The following HSF4 variants were observed in gnomAD, a reference collection of about 807,000 sequenced individuals.
HSF4 encodes the protein heat shock transcription factor 4, also known as heat shock factor protein 4.
A neutral mutation model predicts 52.0 loss-of-function variants in HSF4; 41 were observed. The ratio of observed to expected loss-of-function variants is 0.79; its 90% confidence interval spans 0.61 to 1.02. HSF4 has a LOEUF of 1.02. Among genes scored for constraint, HSF4 ranks in the 50% least tolerant of loss-of-function variants. HSF4 has a pLI of 0.00. For synonymous variants in HSF4, 285 were observed against 273.0 expected (o/e 1.04, Z -0.43); for missense variants, 610 against 651.1 (o/e 0.94, Z 0.69).
chr16:67,166,684 A>G, intron 6 of HSF4, 62 bp downstream of exon 6: 1 of 1,464,874 alleles, frequency 6.8e-7, no homozygotes, highest in South Asian at 1.1e-5. Context: ...GTCCCCTTGC[A>G]AGGACCCCTT....
At position 67,166,300 on chromosome 16, in the gene HSF4, C is replaced by A; in HGVS notation, c.486-20C>A. 2 of 1,606,740 alleles carry A rather than the reference C, an allele frequency of 1.2e-6. No homozygotes were observed. The highest frequency in any genetic ancestry group is 1.7e-6 in the Non-Finnish European group (2 of 1,176,004). ...GGGCGAACTCTCAGATGCCTCAGCA[C>A]CCTCCCACCCCTTCCTCAGGCAGAA... On this transcript the variant is annotated intron_variant, in intron 4 of 12. Coordinates refer to ENST00000521374, the MANE Select transcript of HSF4 (RefSeq NM_001374675.1).
upstream of HSF4, chr16:67,163,798 G>C: frequency 6.4e-7 from 1 of 1,563,022 alleles, no homozygotes; most frequent in Non-Finnish European, 8.6e-7. Flanking sequence ...CCGCATCCCT[G>C]GAGGCCTACG....
chr16:67,167,598 A>C lies in HSF4; in HGVS notation c.853A>C (p.Arg285=), dbSNP rs1393462104. The C allele has an allele frequency of 1.2e-6, 2 of 1,613,172 alleles. No homozygotes were observed. The highest frequency in any genetic ancestry group is 1.7e-6 in the Non-Finnish European group (2 of 1,179,824). The change falls in exon 8 of 13, where the codon AGG becomes CGG. Residue 285 remains arginine, a splice_region_variant and synonymous_variant. Transcript: ENST00000521374. ...GCTTTCTCCCTCCAGTGATGGCAGG[A>C]GGTAAGGGGGACAGGGCTGCCCCTG... ...TRLSPSSDGR[R]EKGLALLKEE... is the part of the protein sequence containing the mutation.
Position 67,169,875 on chromosome 16 carries a change from C to T in HSF4, c.*90C>T, listed in dbSNP as rs2031628059. ...CGCCCCCTATCGGGGGTGAGCGAAG[C>T]CCCCACTACTAAATGGCCTCTCTCC... On this transcript the variant is annotated 3_prime_UTR_variant, in exon 13 of 13. Transcript: ENST00000521374. The surrounding 1 kb of genome is among the most constrained non-coding windows in gnomAD (Gnocchi z 4.3). 2 of 1,382,110 alleles carry T rather than the reference C, an allele frequency of 1.4e-6. No homozygotes were observed. Among genetic ancestry groups the T allele is most frequent in the Non-Finnish European group, 2.1e-6 (2 of 973,376 alleles). The allele number at this position is 1,382,110 out of a possible 1,614,324, so 85.6% of individuals were successfully genotyped here.
intron 7 of HSF4, 109 bp downstream of exon 7, chr16:67,167,331 C>A (rs759863829): frequency 4.0e-5 from 65 of 1,609,020 alleles, no homozygotes; most frequent in Non-Finnish European, 5.3e-5. Context: ...AGCCTTCCCC[C>A]CAACCAGACC....
rs1385393534 is a variant in HSF4, at chr16:67,167,705, T to C, written c.855-15T>C. ...GTCAGTGCCAGGGTCTGGTTGAAGC[T>C]TTTCTCTGGTGCAGGGAGAAGGGCC... On this transcript the variant is annotated splice_polypyrimidine_tract_variant and intron_variant, in intron 8 of 12. Transcript: ENST00000521374. The C allele has an allele frequency of 6.2e-7, 1 of 1,611,574 alleles. No homozygotes were observed. The highest frequency in any genetic ancestry group is 1.1e-5 in the South Asian group (1 of 90,996).
At chr16:67,166,812 A>C (rs2145922380) in intron 6 of HSF4, among the ~76,000 whole-genome samples, 190 bp downstream of exon 6, 1 of 151,542 alleles carries the variant, frequency 6.6e-6, no homozygotes, top group African/African-American at 2.4e-5. Flanking sequence ...CCACTCCCAG[A>C]TCCTCCCATT....
At chr16:67,168,522 AAAG>A (rs1244765274) in intron 9 of HSF4, among the ~76,000 whole-genome samples, 1 of 151,644 alleles carries the variant, frequency 6.6e-6, no homozygotes, top group Non-Finnish European at 1.5e-5. Flanking sequence ...GAGAAAGAAA[AAAG>A]AAAGGAAGAA....
intron 4 of HSF4, 52 bp from the exon 5 acceptor site, chr16:67,166,268 G>T: frequency 6.5e-7 from 1 of 1,542,896 alleles, no homozygotes; most frequent in Non-Finnish European, 8.9e-7. Context: ...TGTGGGGGGT[G>T]GTGACTGGGC....
In HSF4 at chr16:67,166,001, T is replaced by A; in HGVS notation, c.416T>A (p.Leu139Gln). The A allele has an allele frequency of 6.5e-7, 1 of 1,542,130 alleles. No homozygotes were observed. Among genetic ancestry groups the A allele is most frequent in the Non-Finnish European group, 8.7e-7 (1 of 1,151,690 alleles). Residue 139 changes from leucine to glutamine, a missense_variant, in exon 4 of 13, where the codon CTA becomes CAA. By Grantham distance (113) the Leu-to-Gln change is moderately radical. Transcript: ENST00000521374. ...TGGCGCCCGGAGGACCTGGGTCGAC[T>A]ACTGGGCGAGGTGCAGGCTTTGCGG... ...GRWRPEDLGR[L>Q]LGEVQALRGV...
rs981017201 is a variant in HSF4 at position 67,167,762 on chromosome 16, A to T, written c.897A>T (p.Pro299=). The T allele has an allele frequency of 6.2e-7, 1 of 1,605,716 alleles. No individual in the cohort carries two copies. The highest frequency in any genetic ancestry group is 1.7e-5 in the Admixed American group (1 of 58,550). ...TGCTCAAAGAAGAGCCGGCCAGTCC[A>T]GGGGGGGATGGCGAGGCCGGGCTGG... ...LALLKEEPAS[P]GGDGEAGLAL... Residue 299 remains proline (P), a synonymous_variant, in exon 9 of 13, where the codon CCA becomes CCT. Transcript: ENST00000521374.
chr16:67,169,711 G>A lies in HSF4; in HGVS notation c.1405G>A (p.Ala469Thr). The A allele has an allele frequency of 6.2e-7, 1 of 1,613,014 alleles. No individual in the cohort carries two copies. The highest frequency in any genetic ancestry group is 8.5e-7 in the Non-Finnish European group (1 of 1,179,974). The change falls in exon 13 of 13, where the codon GCT (alanine) becomes ACT (threonine). Residue 469 changes from alanine to threonine, a missense_variant. Ala to Thr is a moderately conservative substitution (Grantham distance 58). Transcript: ENST00000521374. This position sits in a 1 kb window ranked among gnomAD's most constrained non-coding sequence, Gnocchi z 4.3. The part of the protein sequence containing the change: ...LGGPALGLPG[A>T]LTIYSTPESR... ...AGGCCCAGCCCTGGGCCTGCCTGGG[G>A]CTTTAACCATTTATAGCACTCCTGA...
Position 67,169,874 on chromosome 16 carries a change from GC to G in HSF4, c.*94del. 6.4e-6 allele frequency: 9 copies of G among 1,399,822 alleles called. No individual in the cohort carries two copies. Among genetic ancestry groups the G allele is most frequent in the Non-Finnish European group, 9.1e-6 (9 of 990,198 alleles). The allele number at this position is 1,399,822 out of a possible 1,614,324, so 86.7% of individuals were successfully genotyped here. On this transcript the variant is annotated 3_prime_UTR_variant, in exon 13 of 13. Coordinates refer to ENST00000521374, the MANE Select transcript of HSF4 (RefSeq NM_001374675.1). This position sits in a 1 kb window ranked among gnomAD's most constrained non-coding sequence, Gnocchi z 4.3. Reference sequence around the variant, plus strand: ...GCGCCCCCTATCGGGGGTGAGCGAAGCCCCCACTACTAAATGGCCTCTCTCC... The same window carrying G: ...GCGCCCCCTATCGGGGGTGAGCGAAGCCCCACTACTAAATGGCCTCTCTCC...
Position 67,166,305 on chromosome 16 carries a change from C to T in HSF4, c.486-15C>T. On this transcript the variant is annotated splice_polypyrimidine_tract_variant and intron_variant, in intron 4 of 12. Transcript: ENST00000521374. ...AACTCTCAGATGCCTCAGCACCCTC[C>T]CACCCCTTCCTCAGGCAGAACGAGA... The T allele has an allele frequency of 6.2e-7, 1 of 1,609,058 alleles. No individual in the cohort carries two copies. The highest frequency in any genetic ancestry group is 8.5e-7 in the Non-Finnish European group (1 of 1,177,500).
chr16:67,167,066 T>G (rs1597241206), intron 6 of HSF4, 54 bp from the exon 7 acceptor site: 3 of 1,613,022 alleles, frequency 1.9e-6, no homozygotes, highest in Non-Finnish European at 2.5e-6. Context: ...CAGGCCGAGG[T>G]GCATGGGGGC....
In HSF4 at chr16:67,164,899, G is replaced by T; in HGVS notation, c.88G>T (p.Asp30Tyr). 1 of 1,608,104 alleles carries T rather than the reference G, an allele frequency of 6.2e-7. No individual in the cohort carries two copies. The highest frequency in any genetic ancestry group is 8.5e-7 in the Non-Finnish European group (1 of 1,179,146). The change falls in exon 1 of 13, where the codon GAC (aspartate) becomes TAC (tyrosine). Residue 30 changes from aspartate (D) to tyrosine (Y), a missense_variant. Transcript: ENST00000521374. ...CGGCAAGCTATGGGCGCTGGTGGGG[G>T]ACCCAGGCACAGACCACCTGATCCG... ...FLGKLWALVGDPGTDHLIRWS... is the reference protein window; with the variant it reads ...FLGKLWALVGYPGTDHLIRWS...
upstream of HSF4, chr16:67,164,339 A>G (rs2031079704): frequency 7.7e-6 from 3 of 391,878 alleles, no homozygotes; most frequent in Admixed American, 8.7e-5. Flanking sequence ...TGGAATGACT[A>G]CGTCCCGGGG....
At position 67,169,825 on chromosome 16, in the gene HSF4, C is replaced by G. The variant is rs542376828; in HGVS notation, c.*40C>G. On this transcript the variant is annotated 3_prime_UTR_variant, in exon 13 of 13. Coordinates refer to ENST00000521374, the MANE Select transcript of HSF4 (RefSeq NM_001374675.1). The surrounding 1 kb of genome is among the most constrained non-coding windows in gnomAD (Gnocchi z 4.3). ...GAAGGGGCTTGGAACCAGTCCGCCG[C>G]TGCACATCCTTCTTGGCTTCCTGGC... 1.2e-6 allele frequency: 2 copies of G among 1,612,070 alleles called. No individual in the cohort carries two copies. The highest frequency in any genetic ancestry group is 1.1e-5 in the South Asian group (1 of 91,062).
In HSF4 at chr16:67,169,501, G is replaced by C. The variant is rs1248077373; in HGVS notation, c.1325-130G>C. On this transcript the variant is annotated intron_variant, in intron 12 of 12. Transcript: ENST00000521374. The surrounding 1 kb of genome is among the most constrained non-coding windows in gnomAD (Gnocchi z 4.3). ...TGAGCCACCCATGCCCTCACCATTG[G>C]GCGAGAGTGGGGAGGTTAAGAATGG... 1 of 1,583,048 alleles carries C rather than the reference G, an allele frequency of 6.3e-7. No individual in the cohort carries two copies. The highest frequency in any genetic ancestry group is 8.5e-7 in the Non-Finnish European group (1 of 1,169,908).
Sources: allele counts gnomAD v4.1 joint callset (sites outside exome capture counted in the v4.1 genomes callset), GRCh38; gene constraint gnomAD v4.1.1; non-coding constraint Gnocchi (gnomAD v3.1); transcripts MANE v1.5; gene names NCBI Gene and HGNC (gene_info 2026-07-23, HGNC 2026-07-21).